The following TXLNB variants were observed in gnomAD, a reference collection of about 807,000 sequenced individuals.
The protein encoded by TXLNB is beta-taxilin.
Under a neutral mutation model 57.4 loss-of-function variants are expected in TXLNB, and 37 were observed. That is an observed-to-expected ratio of 0.64 (90% CI 0.50 to 0.85). The LOEUF (loss-of-function observed/expected upper bound fraction) is 0.85. Ranked by LOEUF, TXLNB falls within the 40% of genes least tolerant of loss-of-function variation. The probability of loss-of-function intolerance (pLI) is 0.00; values close to 1 mark genes in which losing one functional copy is unlikely to be tolerated. For synonymous variants in TXLNB, 302 were observed against 309.6 expected (o/e 0.98, Z 0.26); for missense variants, 848 against 825.6 (o/e 1.03, Z -0.33).
At chr6:139,165,798 GCA>G in the TXLNB span, among the ~76,000 whole-genome samples, 1 of 71,844 alleles carries the variant, frequency 1.4e-5, no homozygotes, top group Admixed American at 1.4e-4. Flanking sequence ...TTGGCTGTTT[GCA>G]CAGTGTGGGA....
chr6:139,161,942 C>T, the TXLNB span, among the ~76,000 whole-genome samples: 1 of 152,208 alleles, frequency 6.6e-6, no homozygotes, highest in Non-Finnish European at 1.5e-5. Flanking sequence ...CACTCTTCTA[C>T]TTCTTTTTGT....
intron 4 of TXLNB, among the ~76,000 whole-genome samples, chr6:139,267,518 A>C (rs1431722079): frequency 1.3e-5 from 2 of 152,192 alleles, no homozygotes; most frequent in Non-Finnish European, 2.9e-5. Context: ...CAAGAGATGA[A>C]ATGTAATTTT....
Position 139,245,989 on chromosome 6 carries a change from A to G in TXLNB, c.1171-1299T>C, listed in dbSNP as rs537392831. ...ATTGCAGGCATGAGCCACTGCGCCC[A>G]GCCAGTTGTTTGTAAACTTTAAGGT... On this transcript the variant is annotated intron_variant, in intron 8 of 9. Coordinates refer to ENST00000358430, the MANE Select transcript of TXLNB (RefSeq NM_153235.4). 5.9e-5 allele frequency among the ~76,000 whole-genome samples: 9 copies of G among 152,258 alleles called. No homozygotes were observed. The East Asian group carries it at 1.7e-3, about 29-fold the overall frequency.
chr6:139,252,844 A>G (rs1776242546), intron 7 of TXLNB, among the ~76,000 whole-genome samples: 1 of 152,166 alleles, frequency 6.6e-6, no homozygotes, highest in Non-Finnish European at 1.5e-5. Context: ...ACAAAAAATT[A>G]GCCGGGTGTG....
chr6:139,200,661 G>C, the TXLNB span, among the ~76,000 whole-genome samples: 1 of 152,094 alleles, frequency 6.6e-6, no homozygotes, highest in Non-Finnish European at 1.5e-5. Flanking sequence ...AAATCAGTAG[G>C]GCTCAGTGAT....
At chr6:139,320,475 A>G in the TXLNB span, among the ~76,000 whole-genome samples, 11 of 152,324 alleles carry the variant, frequency 7.2e-5, no homozygotes, top group African/African-American at 2.2e-4. Context: ...TTCCTTCACT[A>G]AAATATTACC....
chr6:139,211,225 C>A, the TXLNB span, among the ~76,000 whole-genome samples: 1 of 152,198 alleles, frequency 6.6e-6, no homozygotes, highest in Non-Finnish European at 1.5e-5. Flanking sequence ...CTGGGAGGCA[C>A]CCCCGAGTAG....
chr6:139,226,411 T>C, the TXLNB span, among the ~76,000 whole-genome samples: 13 of 137,374 alleles, frequency 9.5e-5, no homozygotes, highest in African/African-American at 3.5e-4. Context: ...AAAAACAAAA[T>C]ACAAATGTAT....
the TXLNB span, among the ~76,000 whole-genome samples, chr6:139,307,747 A>G: frequency 0.017 from 2,636 of 152,272 alleles, 77 homozygotes; most frequent in African/African-American, 0.06. Context: ...ATCTAAACAA[A>G]TGGCTTTTTA....
At chr6:139,306,668 C>T in the TXLNB span, among the ~76,000 whole-genome samples, 2 of 152,180 alleles carry the variant, frequency 1.3e-5, no homozygotes, top group African/African-American at 4.8e-5. Context: ...GTCTCCAAAC[C>T]TTTCCTCAGC....
intron 8 of TXLNB, among the ~76,000 whole-genome samples, chr6:139,246,744 G>A (rs139845426): frequency 3.8e-4 from 58 of 152,004 alleles, no homozygotes; most frequent in African/African-American, 1.3e-3. Context: ...GTGAAACCCC[G>A]TCTTTACTAA....
chr6:139,255,675 T>G (rs770361252), intron 6 of TXLNB, 37 bp from the exon 7 acceptor site: 4 of 1,569,226 alleles, frequency 2.5e-6, no homozygotes, highest in Non-Finnish European at 2.6e-6. Context: ...GATGGTCAGA[T>G]TTGCCTTTTA....
At chr6:139,177,389 G>T in the TXLNB span, 1 of 229,384 alleles carries the variant, frequency 4.4e-6, no homozygotes, top group Non-Finnish European at 8.4e-6. The surrounding 1 kb of genome is among the most constrained non-coding windows in gnomAD (Gnocchi z 4.9). Context: ...GGGAGGATGG[G>T]GTGAATTTAG....
At chr6:139,306,467 G>C in the TXLNB span, among the ~76,000 whole-genome samples, 14 of 152,158 alleles carry the variant, frequency 9.2e-5, 1 homozygote, top group Non-Finnish European at 2.1e-4. Flanking sequence ...CCAGCAACTG[G>C]GCTTGAATGG....
intron 2 of TXLNB, among the ~76,000 whole-genome samples, chr6:139,282,628 C>T (rs1777082273): frequency 6.9e-6 from 1 of 145,542 alleles, no homozygotes; most frequent in Non-Finnish European, 1.5e-5. Flanking sequence ...TTTCAGAATA[C>T]TGATGTCCTA....
chr6:139,297,001 C>T, the TXLNB span, among the ~76,000 whole-genome samples: 90 of 152,226 alleles, frequency 5.9e-4, no homozygotes, highest in African/African-American at 2.1e-3. Context: ...AGAGTATTAA[C>T]CTCAAATTCC....
intron 1 of TXLNB, among the ~76,000 whole-genome samples, chr6:139,290,167 C>T (rs1032219240): frequency 2.6e-5 from 4 of 152,064 alleles, no homozygotes; most frequent in African/African-American, 9.7e-5. Context: ...CGGGTGGATC[C>T]TTGAGGCCAG....
At chr6:139,222,001 A>G in the TXLNB span, among the ~76,000 whole-genome samples, 2 of 152,170 alleles carry the variant, frequency 1.3e-5, no homozygotes, top group African/African-American at 2.4e-5. Context: ...AGAGGGGAAT[A>G]TAATAAAAAT....
downstream of TXLNB, among the ~76,000 whole-genome samples, chr6:139,237,838 T>C (rs1775854043): frequency 6.6e-6 from 1 of 152,184 alleles, no homozygotes. Context: ...ATAGAAATCC[T>C]GGGCTCTAAA....
Sources: gnomAD v4.1 joint callset for allele counts (sites outside exome capture counted in the v4.1 genomes callset) on GRCh38, gnomAD v4.1.1 for gene constraint, Gnocchi (gnomAD v3.1) non-coding constraint, MANE v1.5 for transcripts, NCBI Gene and HGNC (gene_info 2026-07-23, HGNC 2026-07-21) for gene names.